LYZL6: variants seen among roughly 807,000 people sequenced by gnomAD.
LYZL6 encodes lysozyme like 6, also known as lysozyme-like protein 6.
Under a neutral mutation model 15.0 loss-of-function variants are expected in LYZL6, and 21 were observed. The observed-to-expected ratio is 1.40, with a 90% CI of 1.00 to 2.02. The LOEUF (loss-of-function observed/expected upper bound fraction) is 2.02, where lower values mean the gene tolerates loss of function less well. Among genes scored for constraint, LYZL6 ranks in the 30% most tolerant of loss-of-function variants. The pLI, the probability that LYZL6 is intolerant of heterozygous loss-of-function variation, is 0.00. For missense variants in LYZL6, 173 were observed against 180.5 expected, an observed-to-expected ratio of 0.96 and a Z score of 0.24; for synonymous variants, 72 against 67.8, an observed-to-expected ratio of 1.06 and a Z score of -0.31.
At position 35,939,491 on chromosome 17, in the gene LYZL6, G is replaced by T; in HGVS notation, c.-135C>A. 2.9e-6 allele frequency: 2 copies of T among 679,908 alleles called. No individual in the cohort carries two copies. The highest frequency in any genetic ancestry group is 2.7e-5 in the South Asian group (1 of 36,374). 42.1% of individuals were successfully genotyped at this position (679,908 alleles called of 1,614,324 possible). On this transcript the variant is annotated 5_prime_UTR_variant, in exon 2 of 5. Coordinates refer to ENST00000615905, the MANE Select transcript of LYZL6 (RefSeq NM_020426.4). ...CCTTACTCACTCACTGCTCCAACCT[G>T]GCTGTTTCCAATCTCTTTTCTCTTG...
In LYZL6 at chr17:35,943,562, C is replaced by T. The variant is rs1192879031; in HGVS notation, c.-203+5G>A. On this transcript the variant is annotated splice_donor_5th_base_variant and intron_variant, in intron 1 of 4. Coordinates refer to ENST00000615905, the MANE Select transcript of LYZL6 (RefSeq NM_020426.4). ...AGGTATGTTCCCACCCCTTCCACAG[C>T]TTACCTCTCTCCCATCCCTCTCTGA... 6.6e-6 allele frequency: 1 copy of T among 152,202 alleles called. No homozygotes were observed. Among genetic ancestry groups the T allele is most frequent in the African/African-American group, 2.4e-5 (1 of 41,418 alleles). The allele number at this position is 152,202 out of a possible 1,614,324, so 9.4% of individuals were successfully genotyped here.
intron 2 of LYZL6, among the ~76,000 whole-genome samples, chr17:35,938,343 GGC>G (rs2089395027): frequency 6.6e-6 from 1 of 152,122 alleles, no homozygotes; most frequent in African/African-American, 2.4e-5. Flanking sequence ...ATGTATGCCG[GGC>G]GCGGTGGCTT....
chr17:35,942,650 A>G (rs1238508032), intron 1 of LYZL6, among the ~76,000 whole-genome samples: 4 of 152,200 alleles, frequency 2.6e-5, no homozygotes, highest in African/African-American at 9.6e-5. Flanking sequence ...TCTTCTAACA[A>G]CAACCAGCCT....
intron 2 of LYZL6, 73 bp from the exon 3 acceptor site, chr17:35,937,989 G>C: frequency 6.7e-7 from 1 of 1,481,618 alleles, no homozygotes; most frequent in Non-Finnish European, 9.2e-7. Context: ...GAGGAGAAAG[G>C]GAGGCAAGGT....
At chr17:35,936,656 T>C in intron 4 of LYZL6, 99 bp downstream of exon 4, 2 of 958,916 alleles carry the variant, frequency 2.1e-6, no homozygotes, top group Non-Finnish European at 3.3e-6. Flanking sequence ...TTCTAGACAC[T>C]GCAAGGGCGT....
intron 1 of LYZL6, among the ~76,000 whole-genome samples, chr17:35,940,677 C>T (rs1598709550): frequency 6.6e-6 from 1 of 152,186 alleles, no homozygotes; most frequent in Admixed American, 6.5e-5. Flanking sequence ...GCCCATCCCC[C>T]ACCTCCCAAC....
chr17:35,943,340 C>G (rs558792775), intron 1 of LYZL6, among the ~76,000 whole-genome samples: 1 of 152,170 alleles, frequency 6.6e-6, no homozygotes, highest in Admixed American at 6.5e-5. Context: ...CATTCTACCC[C>G]CAGAGCTGAC....
rs1568419659 is a variant in LYZL6, at chr17:35,936,466, T to C, written c.377+289A>G. On this transcript the variant is annotated intron_variant, in intron 4 of 4. Coordinates refer to ENST00000615905, the MANE Select transcript of LYZL6 (RefSeq NM_020426.4). ...ATTTCCAGCCCTGGTTCCATGCTCTTCCTGAGGCCCAGCTGCAGCCCTTGA... is the reference window on the plus strand; with the variant it reads ...ATTTCCAGCCCTGGTTCCATGCTCTCCCTGAGGCCCAGCTGCAGCCCTTGA... Among the ~76,000 whole-genome samples the C allele has an allele frequency of 1.3e-5, 2 of 152,184 alleles. 1 individual carries two copies. The highest frequency in any genetic ancestry group is 4.1e-4 in the South Asian group (2 of 4,828).
At chr17:35,938,084 T>C (rs866458036) in intron 2 of LYZL6, among the ~76,000 whole-genome samples, 168 bp from the exon 3 acceptor site, 3 of 152,186 alleles carry the variant, frequency 2.0e-5, no homozygotes, top group Admixed American at 6.5e-5. Context: ...TATCCTGTGG[T>C]CCATCCACCC....
chr17:35,941,692 A>C (rs2089425762), intron 1 of LYZL6, among the ~76,000 whole-genome samples: 1 of 152,200 alleles, frequency 6.6e-6, no homozygotes, highest in African/African-American at 2.4e-5. Flanking sequence ...CATTGTGTGG[A>C]GCTGAAGCAG....
intron 4 of LYZL6, 32 bp downstream of exon 4, chr17:35,936,723 C>G (rs757088557): frequency 6.2e-7 from 1 of 1,600,660 alleles, no homozygotes; most frequent in Admixed American, 1.7e-5. Flanking sequence ...TCGTGGGGCT[C>G]TGCCCGCTGA....
chr17:35,934,928 A>G, intron 4 of LYZL6, 63 bp from the exon 5 acceptor site: 1 of 1,528,784 alleles, frequency 6.5e-7, no homozygotes, highest in Non-Finnish European at 9.1e-7. Context: ...CACATGACCC[A>G]GTTCTTGGTG....
chr17:35,936,813 G>C lies in LYZL6; in HGVS notation c.319C>G (p.Leu107Val). 1 of 1,613,844 alleles carries C rather than the reference G, an allele frequency of 6.2e-7. No individual in the cohort carries two copies. ...CTTTTTGCGCAGTGGATGCCTGCAA[G>C]AAGGTTGGGATTCAGCAGATCTGAA... is the stretch of plus-strand genomic sequence containing the variant. Reference protein sequence around the residue: ...DCQDLLNPNLLAGIHCAKRIV... With the variant: ...DCQDLLNPNLVAGIHCAKRIV... Residue 107 changes from leucine to valine, a missense_variant, in exon 4 of 5, where the codon CTT (leucine) becomes GTT (valine). Physicochemically the swap from Leu to Val is conservative, Grantham distance 32. Transcript: ENST00000615905.
In LYZL6 at chr17:35,937,880, A is replaced by G. The variant is rs778922300; in HGVS notation, c.176T>C (p.Ile59Thr). 5 of 1,614,118 alleles carry G rather than the reference A, an allele frequency of 3.1e-6. No individual in the cohort carries two copies. The highest frequency in any genetic ancestry group is 4.2e-6 in the Non-Finnish European group (5 of 1,180,022). ...CLAFVESKFN[I>T]SKINENADGS... Reference sequence around the variant, plus strand: ...GTCTGCATTTTCATTTATCTTTGATATGTTGAACTTGCTTTCCACAAAAGC... The same window carrying G: ...GTCTGCATTTTCATTTATCTTTGATGTGTTGAACTTGCTTTCCACAAAAGC... The change falls in exon 3 of 5, where the codon ATA becomes ACA. Residue 59 changes from isoleucine to threonine, a missense_variant. Ile to Thr is a moderately conservative substitution (Grantham distance 89, BLOSUM62 -1). Coordinates refer to ENST00000615905, the MANE Select transcript of LYZL6 (RefSeq NM_020426.4).
At chr17:35,936,947 CA>C (rs2141965803) in intron 3 of LYZL6, 114 bp from the exon 4 acceptor site, 1 of 854,782 alleles carries the variant, frequency 1.2e-6, no homozygotes, top group African/African-American at 1.7e-5. Context: ...CCAGTTGAGG[CA>C]AAGGCTGTCT....
chr17:35,939,364 G>C lies in LYZL6; in HGVS notation c.-8C>G. 2.5e-6 allele frequency: 4 copies of C among 1,613,840 alleles called. No homozygotes were observed. The highest frequency in any genetic ancestry group is 3.4e-6 in the Non-Finnish European group (4 of 1,179,784). On this transcript the variant is annotated 5_prime_UTR_variant, in exon 2 of 5. Transcript: ENST00000615905. Reference sequence around the variant, plus strand: ...GAGTAGCGCCTTTGTCATCCTTGGAGGGGAGGAGGTGCAGCTGAGGGCTGA... The same window carrying C: ...GAGTAGCGCCTTTGTCATCCTTGGACGGGAGGAGGTGCAGCTGAGGGCTGA...
chr17:35,939,441 G>T lies in LYZL6; in HGVS notation c.-85C>A. The T allele has an allele frequency of 1.4e-6, 2 of 1,436,634 alleles. No homozygotes were observed. The highest frequency in any genetic ancestry group is 9.5e-7 in the Non-Finnish European group (1 of 1,048,530). 89.0% of individuals were successfully genotyped at this position (1,436,634 alleles called of 1,614,324 possible). A position where few individuals can be genotyped will look rare whatever the true frequency, so the allele number is the denominator to read the frequency against. ...TGCTGATCTTCTCTGAGAGCCTGGG[G>T]AATCTGGAGAGGGCAGCCAGGTTTC... On this transcript the variant is annotated 5_prime_UTR_variant, in exon 2 of 5. Transcript: ENST00000615905.
chr17:35,942,547 A>C (rs1309603560), intron 1 of LYZL6, among the ~76,000 whole-genome samples: 1 of 152,132 alleles, frequency 6.6e-6, no homozygotes, highest in Non-Finnish European at 1.5e-5. Context: ...AGTTAGGGTA[A>C]AGTGAATCCC....
At chr17:35,939,074 A>T in intron 2 of LYZL6, 144 bp downstream of exon 2, 1 of 891,488 alleles carries the variant, frequency 1.1e-6, no homozygotes, top group Non-Finnish European at 1.8e-6. Flanking sequence ...AACTTGAGTG[A>T]ATACAGCGTG....
Sources: gnomAD v4.1 joint callset for allele counts (sites outside exome capture counted in the v4.1 genomes callset) on GRCh38, gnomAD v4.1.1 for gene constraint, MANE v1.5 for transcripts, NCBI Gene and HGNC (gene_info 2026-07-23, HGNC 2026-07-21) for gene names.